The following GPR160 variants were observed in gnomAD, a reference collection of about 807,000 sequenced individuals.
The protein encoded by GPR160 is G protein-coupled receptor 160.
GPR160 carries 2 observed loss-of-function variants against 2.6 expected under a neutral mutation model. The ratio of observed to expected loss-of-function variants is 0.77; its 90% CI spans 0.32 to 2.44. The LOEUF (loss-of-function observed/expected upper bound fraction) is 2.44. GPR160 is among the 30% of genes most tolerant of loss of function. The probability of loss-of-function intolerance (pLI) is 0.11; values close to 1 mark genes in which losing one functional copy is unlikely to be tolerated. For synonymous variants in GPR160, 130 were observed against 132.2 expected, an observed-to-expected ratio of 0.98 and a Z score of 0.12; for missense variants, 351 against 383.6, an observed-to-expected ratio of 0.91 and a Z score of 0.71.
intron 2 of GPR160, among the ~76,000 whole-genome samples, chr3:170,040,423 T>C (rs1716398002): frequency 6.6e-6 from 1 of 152,150 alleles, no homozygotes; most frequent in South Asian, 2.1e-4. Context: ...TCATAAAAAG[T>C]TTTTTTCTCC....
intron 2 of GPR160, among the ~76,000 whole-genome samples, chr3:170,045,704 G>C (rs1369681063): frequency 6.6e-6 from 1 of 152,180 alleles, no homozygotes; most frequent in African/African-American, 2.4e-5. Context: ...AGAACTCTGC[G>C]ATTCAGGTTT....
At chr3:170,066,296 A>G (rs542543618) in intron 2 of GPR160, among the ~76,000 whole-genome samples, 7 of 150,700 alleles carry the variant, frequency 4.6e-5, no homozygotes, top group African/African-American at 1.7e-4. Flanking sequence ...GCCCATCACC[A>G]CGCCCGGCTA....
chr3:170,078,570 G>C (rs981621250), intron 2 of GPR160, among the ~76,000 whole-genome samples: 3 of 152,104 alleles, frequency 2.0e-5, no homozygotes, highest in Non-Finnish European at 4.4e-5. Context: ...AAATGGAGCC[G>C]CTAGCCCGTT....
chr3:170,066,569 A>G (rs1394955082), intron 2 of GPR160, among the ~76,000 whole-genome samples: 1 of 152,156 alleles, frequency 6.6e-6, no homozygotes, highest in Non-Finnish European at 1.5e-5. Context: ...TTTAAAAGAG[A>G]GCTGCATAGT....
In GPR160 at chr3:170,084,325, T is replaced by G; in HGVS notation, c.353T>G (p.Ile118Arg). 1 of 1,609,346 alleles carries G rather than the reference T, an allele frequency of 6.2e-7. No homozygotes were observed. The highest frequency in any genetic ancestry group is 1.1e-5 in the South Asian group (1 of 90,416). The change falls in exon 4 of 4, where the codon ATA becomes AGA. Residue 118 changes from isoleucine to arginine, a missense_variant. Ile to Arg is a moderately conservative substitution (Grantham distance 97). Coordinates refer to ENST00000355897, the MANE Select transcript of GPR160 (RefSeq NM_014373.3). ...LHYPVFLTAC[I>R]DYCLNFSKTT... The stretch of plus-strand genomic sequence containing the variant: ...TATCCAGTTTTCCTGACAGCTTGTA[T>G]AGATTATTGCCTGAATTTCTCTAAA...
chr3:170,084,279 T>G lies in GPR160; in HGVS notation c.307T>G (p.Phe103Val). The G allele has an allele frequency of 6.2e-7, 1 of 1,609,184 alleles. No homozygotes were observed. Among genetic ancestry groups the G allele is most frequent in the South Asian group, 1.1e-5 (1 of 90,620 alleles). ...HICLFTQIIS[F>V]TYGFLHYPVF... The stretch of plus-strand genomic sequence containing the variant: ...CTGCCTATTTACTCAAATTATTTCC[T>G]TTACTTATGGCTTTTTGCATTATCC... Residue 103 changes from phenylalanine (F) to valine (V), a missense_variant, in exon 4 of 4, where the codon TTT becomes GTT. Physicochemically the swap from Phe to Val is conservative, Grantham distance 50 (BLOSUM62 -1). Transcript: ENST00000355897.
At chr3:170,050,993 C>T (rs1019413708) in intron 2 of GPR160, among the ~76,000 whole-genome samples, 2 of 152,060 alleles carry the variant, frequency 1.3e-5, no homozygotes, top group Admixed American at 6.5e-5. Flanking sequence ...GGTATAATTG[C>T]GGAGTCATGT....
intron 2 of GPR160, among the ~76,000 whole-genome samples, chr3:170,054,939 A>G (rs1711554591): frequency 6.6e-6 from 1 of 151,880 alleles, no homozygotes; most frequent in Non-Finnish European, 1.5e-5. Flanking sequence ...GATTACCGCC[A>G]TCTGCTACCA....
intron 2 of GPR160, among the ~76,000 whole-genome samples, chr3:170,069,139 T>C (rs1712473784): frequency 6.6e-6 from 1 of 152,256 alleles, no homozygotes; most frequent in Non-Finnish European, 1.5e-5. Flanking sequence ...GATTGTTTTA[T>C]CTTCCCCAGA....
At chr3:170,044,786 C>T (rs1054464343) in intron 2 of GPR160, among the ~76,000 whole-genome samples, 2 of 152,150 alleles carry the variant, frequency 1.3e-5, no homozygotes, top group African/African-American at 4.8e-5. Flanking sequence ...GCCCCTCTCC[C>T]CCATCCTTCT....
At chr3:170,070,730 G>C (rs1712548751) in intron 2 of GPR160, among the ~76,000 whole-genome samples, 1 of 152,132 alleles carries the variant, frequency 6.6e-6, no homozygotes, top group African/African-American at 2.4e-5. Context: ...GGTAAAACTT[G>C]ATTTACTGTT....
chr3:170,053,807 G>A (rs1711511973), intron 2 of GPR160, among the ~76,000 whole-genome samples: 1 of 152,014 alleles, frequency 6.6e-6, no homozygotes, highest in African/African-American at 2.4e-5. Flanking sequence ...AATGGTTGTT[G>A]AATTTTTTCC....
chr3:170,054,579 C>A (rs536607392), intron 2 of GPR160, among the ~76,000 whole-genome samples: 1 of 152,318 alleles, frequency 6.6e-6, no homozygotes, highest in African/African-American at 2.4e-5. Flanking sequence ...AGAACTTTTT[C>A]ATCCTGTGCT....
intron 2 of GPR160, among the ~76,000 whole-genome samples, chr3:170,064,116 T>C (rs1712157071): frequency 6.6e-6 from 1 of 152,202 alleles, no homozygotes; most frequent in South Asian, 2.1e-4. Flanking sequence ...GGCATTGCTT[T>C]TGTTTTTGTA....
chr3:170,079,548 G>A (rs1713027852), intron 2 of GPR160, among the ~76,000 whole-genome samples: 1 of 152,180 alleles, frequency 6.6e-6, no homozygotes, highest in African/African-American at 2.4e-5. Flanking sequence ...TTAAGTAAAT[G>A]TGGTGTATGC....
At chr3:170,067,446 A>G (rs1488241032) in intron 2 of GPR160, among the ~76,000 whole-genome samples, 1 of 152,028 alleles carries the variant, frequency 6.6e-6, no homozygotes, top group Non-Finnish European at 1.5e-5. Context: ...TTTGATTTCC[A>G]GGAGCTCTTT....
chr3:170,071,335 T>C (rs945706392), intron 2 of GPR160, among the ~76,000 whole-genome samples: 4 of 152,308 alleles, frequency 2.6e-5, no homozygotes, highest in Admixed American at 6.5e-5. Flanking sequence ...TTTAAAAGCA[T>C]GTGGGGCCTC....
At chr3:170,068,488 G>A (rs1436493767) in intron 2 of GPR160, among the ~76,000 whole-genome samples, 1 of 152,062 alleles carries the variant, frequency 6.6e-6, no homozygotes, top group African/African-American at 2.4e-5. Flanking sequence ...TTCCCCTCCA[G>A]TTTGCTCTCT....
At position 170,085,042 on chromosome 3, in the gene GPR160, A is replaced by G; in HGVS notation, c.*53A>G. The G allele has an allele frequency of 9.9e-7, 1 of 1,007,436 alleles. No individual in the cohort carries two copies. Among genetic ancestry groups the G allele is most frequent in the Non-Finnish European group, 1.4e-6 (1 of 704,044 alleles). 62.4% of individuals were successfully genotyped at this position (1,007,436 alleles called of 1,614,324 possible). A position where few individuals can be genotyped will look rare whatever the true frequency, so the allele number is the denominator to read the frequency against. On this transcript the variant is annotated 3_prime_UTR_variant, in exon 4 of 4. Transcript: ENST00000355897. Reference sequence around the variant, plus strand: ...ATAAGATCATAATTTTATGAACAGAAAGAACTCAGGACATATTAAAAAATA... The same window carrying G: ...ATAAGATCATAATTTTATGAACAGAGAGAACTCAGGACATATTAAAAAATA...
Sources: gnomAD v4.1 joint callset for allele counts (sites outside exome capture counted in the v4.1 genomes callset) on GRCh38, gnomAD v4.1.1 for gene constraint, MANE v1.5 for transcripts, NCBI Gene and HGNC (gene_info 2026-07-23, HGNC 2026-07-21) for gene names.